The following PRPF18 variants were observed in gnomAD, a reference collection of about 807,000 sequenced individuals.
PRPF18 encodes the protein pre-mRNA processing factor 18.
Under a neutral mutation model 46.5 loss-of-function variants are expected in PRPF18, and 38 were observed. That is an observed-to-expected ratio of 0.82 (90% confidence interval 0.63 to 1.07). The LOEUF (loss-of-function observed/expected upper bound fraction) is 1.07. PRPF18 is among the 50% of genes least tolerant of loss of function. PRPF18 has a pLI of 0.00. For synonymous variants in PRPF18, 152 were observed against 146.7 expected (o/e 1.04, Z -0.26); for missense variants, 263 against 410.0 (o/e 0.64, Z 3.10).
At chr10:13,650,732 G>C in the PRPF18 span, among the ~76,000 whole-genome samples, 1 of 152,062 alleles carries the variant, frequency 6.6e-6, no homozygotes. Context: ...CAAAAGTCCA[G>C]TTTTTTCTCT....
At chr10:13,588,784 C>T (rs2079915146) in intron 1 of PRPF18, among the ~76,000 whole-genome samples, 1 of 152,110 alleles carries the variant, frequency 6.6e-6, no homozygotes, top group South Asian at 2.1e-4. Flanking sequence ...AAGATGATCT[C>T]CCTTACTTTA....
chr10:13,617,235 A>G (rs2133833802), intron 9 of PRPF18, among the ~76,000 whole-genome samples: 1 of 152,292 alleles, frequency 6.6e-6, no homozygotes, highest in South Asian at 2.1e-4. Flanking sequence ...TGACAGTGAT[A>G]CTCCGGAAGT....
At chr10:13,612,741 C>T (rs1490890643) in intron 6 of PRPF18, among the ~76,000 whole-genome samples, 1 of 151,288 alleles carries the variant, frequency 6.6e-6, no homozygotes, top group African/African-American at 2.4e-5. Flanking sequence ...CATCAACCTC[C>T]CGAGTGGTAG....
At chr10:13,605,908 G>A (rs1165041845) in intron 4 of PRPF18, among the ~76,000 whole-genome samples, 164 bp downstream of exon 4, 1 of 152,166 alleles carries the variant, frequency 6.6e-6, no homozygotes. Flanking sequence ...CATATCTTAA[G>A]TATAACATTT....
chr10:13,620,475 A>G (rs975918984), intron 9 of PRPF18, among the ~76,000 whole-genome samples: 52 of 152,356 alleles, frequency 3.4e-4, no homozygotes, highest in African/African-American at 1.3e-3. Flanking sequence ...CTGCTACCTT[A>G]ATGGTATAGC....
intron 8 of PRPF18, among the ~76,000 whole-genome samples, chr10:13,615,809 G>C (rs561450102): frequency 1.3e-5 from 2 of 152,156 alleles, no homozygotes; most frequent in East Asian, 3.9e-4. Flanking sequence ...GGTGGGGTGG[G>C]GGGCAAAGTG....
intron 1 of PRPF18, among the ~76,000 whole-genome samples, chr10:13,588,283 T>A (rs180848729): frequency 6.6e-6 from 1 of 152,132 alleles, no homozygotes; most frequent in Admixed American, 6.5e-5. Context: ...GGTGCGCGCC[T>A]GTAATCCCAG....
rs117258283 is a variant in PRPF18 at position 13,596,430 on chromosome 10, G to A, written c.67-1028G>A. Among the ~76,000 whole-genome samples, 1,380 of 152,216 alleles carry A rather than the reference G, an allele frequency of 9.1e-3. 32 individuals carry two copies. Among genetic ancestry groups the A allele is most frequent in the East Asian group, 0.058 (301 of 5,190 alleles). On this transcript the variant is annotated intron_variant, in intron 1 of 9. Coordinates refer to ENST00000378572, the MANE Select transcript of PRPF18 (RefSeq NM_003675.4). ...TTGTCACCATTGGCCTTTTTCATAA[G>A]GTTTTAGCATCCATTGATGATCATT... is the stretch of plus-strand genomic sequence containing the variant.
intron 9 of PRPF18, among the ~76,000 whole-genome samples, chr10:13,621,969 C>T (rs1171798764): frequency 6.6e-6 from 1 of 152,140 alleles, no homozygotes. Context: ...GTAATGTGTT[C>T]ACGTGTTACC....
intron 9 of PRPF18, among the ~76,000 whole-genome samples, chr10:13,618,870 A>C (rs1447114352): frequency 6.6e-6 from 1 of 152,114 alleles, no homozygotes; most frequent in Admixed American, 6.5e-5. Context: ...AGTCCTCGAG[A>C]AAGGAGACTC....
At chr10:13,632,447 A>T (rs1182234504), downstream of PRPF18, 1 of 152,176 alleles carries the variant, frequency 6.6e-6, no homozygotes, top group African/African-American at 2.4e-5. Flanking sequence ...TTTATATAGG[A>T]CCTATTTATA....
rs1461559119 is a variant in PRPF18, at chr10:13,630,202, G to A, written c.949-58G>A. ...AAACTGATAACGAGTTCAGAGGAAG[G>A]CAGTTAAGAATAATTTAACCATGTC... On this transcript the variant is annotated intron_variant, in intron 9 of 9. Transcript: ENST00000378572. The A allele has an allele frequency of 4.5e-6, 6 of 1,330,474 alleles. No individual in the cohort carries two copies. The Admixed American group carries it at 5.0e-5, about 11-fold the overall frequency. 82.4% of individuals were successfully genotyped at this position (1,330,474 alleles called of 1,614,324 possible). A position where few individuals can be genotyped will look rare whatever the true frequency, so the allele number is the denominator to read the frequency against.
chr10:13,591,989 T>C (rs1449077475), intron 1 of PRPF18: 8 of 901,156 alleles, frequency 8.9e-6, no homozygotes, highest in Non-Finnish European at 1.4e-5. Context: ...TAGGAAAATA[T>C]CTAGGCATTT....
chr10:13,620,021 A>G (rs1164707687), intron 9 of PRPF18, among the ~76,000 whole-genome samples: 2 of 152,010 alleles, frequency 1.3e-5, no homozygotes, highest in African/African-American at 4.8e-5. Context: ...CTTGGTTACA[A>G]TTTACTGATT....
At chr10:13,638,666 A>C in the PRPF18 span, 1 of 152,146 alleles carries the variant, frequency 6.6e-6, no homozygotes, top group East Asian at 1.9e-4. Flanking sequence ...AGAGAGAGCT[A>C]ATTCTCCTTT....
intron 4 of PRPF18, among the ~76,000 whole-genome samples, chr10:13,609,176 C>T (rs2080235760): frequency 6.6e-6 from 1 of 152,180 alleles, no homozygotes; most frequent in African/African-American, 2.4e-5. Flanking sequence ...CAAAGCTCAT[C>T]GTCCATTTCT....
chr10:13,652,025 G>C, the PRPF18 span: 4 of 959,152 alleles, frequency 4.2e-6, no homozygotes, highest in Admixed American at 6.8e-5. Flanking sequence ...ATGTTACAGA[G>C]AGACACTGAC....
At chr10:13,610,330 C>T (rs1041464280) in intron 5 of PRPF18, 145 bp downstream of exon 5, 12 of 943,956 alleles carry the variant, frequency 1.3e-5, no homozygotes, top group Admixed American at 1.3e-4. Context: ...TATTTATTTA[C>T]TCCCCTTTTT....
At chr10:13,588,771 C>G (rs2133034245) in intron 1 of PRPF18, among the ~76,000 whole-genome samples, 1 of 152,096 alleles carries the variant, frequency 6.6e-6, no homozygotes, top group East Asian at 1.9e-4. Flanking sequence ...TAGGAACTTC[C>G]TGAAGATGAT....
Sources: gnomAD v4.1 joint callset for allele counts (sites outside exome capture counted in the v4.1 genomes callset) on GRCh38, gnomAD v4.1.1 for gene constraint, MANE v1.5 for transcripts, NCBI Gene and HGNC (gene_info 2026-07-23, HGNC 2026-07-21) for gene names.